The following MAGI2 variants were observed in gnomAD, a reference collection of about 807,000 sequenced individuals.
MAGI2 encodes membrane associated guanylate kinase, WW and PDZ domain containing 2.
In MAGI2, 35 loss-of-function variants were observed where a neutral mutation model predicts 133.3. The ratio of observed to expected loss-of-function variants is 0.26; its 90% CI spans 0.20 to 0.35. The LOEUF is 0.35. MAGI2 is among the 10% of genes least tolerant of loss of function. MAGI2 has a pLI of 1.00. For synonymous variants in MAGI2, 729 were observed against 710.6 expected, an observed-to-expected ratio of 1.03 and a Z score of -0.41; for missense variants, 1,636 against 1,863.4, an observed-to-expected ratio of 0.88 and a Z score of 2.25.
chr7:78,146,483 T>C (rs1037110460), intron 16 of MAGI2, among the ~76,000 whole-genome samples: 1 of 152,284 alleles, frequency 6.6e-6, no homozygotes. Context: ...ATTAAAGTTT[T>C]ATGTACCCAA....
chr7:78,027,200 A>G (rs1809013351), intron 21 of MAGI2, among the ~76,000 whole-genome samples: 1 of 152,250 alleles, frequency 6.6e-6, no homozygotes, highest in Admixed American at 6.5e-5. Context: ...GCAGTATAAC[A>G]GAAACTTCCA....
intron 21 of MAGI2, among the ~76,000 whole-genome samples, chr7:78,064,492 G>A (rs748712474): frequency 3.9e-5 from 6 of 152,140 alleles, no homozygotes; most frequent in Non-Finnish European, 5.9e-5. Flanking sequence ...GTAATTAGCA[G>A]GGTCATTAAC....
At chr7:79,350,724 A>C (rs886827225) in intron 1 of MAGI2, among the ~76,000 whole-genome samples, 7 of 152,278 alleles carry the variant, frequency 4.6e-5, no homozygotes, top group Admixed American at 3.3e-4. Flanking sequence ...ATATGGATTA[A>C]ACAGTCATTC....
At chr7:79,159,567 G>A (rs1166297279) in intron 1 of MAGI2, among the ~76,000 whole-genome samples, 1 of 148,566 alleles carries the variant, frequency 6.7e-6, no homozygotes, top group African/African-American at 2.5e-5. Flanking sequence ...CCTTTATACA[G>A]ATGGGTCTTT....
intron 9 of MAGI2, among the ~76,000 whole-genome samples, chr7:78,340,999 A>G (rs556604276): frequency 6.6e-6 from 1 of 152,342 alleles, no homozygotes; most frequent in African/African-American, 2.4e-5. Flanking sequence ...TTCAAATAGA[A>G]AAAGAGGAAG....
At chr7:78,345,713 A>G (rs956355940) in intron 8 of MAGI2, 6 of 617,336 alleles carry the variant, frequency 9.7e-6, no homozygotes, top group Non-Finnish European at 1.7e-5. Flanking sequence ...ACATTCCTAT[A>G]AAGTACTGCC....
At chr7:78,704,777 T>TATTTTTTTTTTTC (rs1563380661) in intron 2 of MAGI2, among the ~76,000 whole-genome samples, 1 of 117,972 alleles carries the variant, frequency 8.5e-6, no homozygotes. Context: ...AGGCCATTAT[T>TATTTTTTTTTTTC]CTTTTTTTTT....
intron 2 of MAGI2, among the ~76,000 whole-genome samples, chr7:78,924,490 A>T (rs1341613949): frequency 1.3e-5 from 2 of 152,078 alleles, no homozygotes; most frequent in African/African-American, 4.8e-5. Flanking sequence ...TATATGCTGG[A>T]TTACATTTAT....
intron 1 of MAGI2, among the ~76,000 whole-genome samples, chr7:79,090,995 T>TA (rs1009619327): frequency 9.5e-3 from 48 of 5,064 alleles, no homozygotes; most frequent in African/African-American, 0.04. Context: ...TTTAAGAGCC[T>TA]TTTTTTTTCC....
intron 1 of MAGI2, among the ~76,000 whole-genome samples, chr7:79,008,028 T>C (rs545787813): frequency 6.6e-6 from 1 of 152,178 alleles, no homozygotes; most frequent in Non-Finnish European, 1.5e-5. Flanking sequence ...TATTTAAAGA[T>C]GACTTGTTAA....
chr7:79,346,326 A>C (rs1841310610), intron 1 of MAGI2, among the ~76,000 whole-genome samples: 1 of 152,040 alleles, frequency 6.6e-6, no homozygotes, highest in Non-Finnish European at 1.5e-5. Context: ...CACCACTCAT[A>C]AACATCAATC....
At chr7:78,362,821 A>G (rs559933923) in intron 7 of MAGI2, among the ~76,000 whole-genome samples, 10 of 152,258 alleles carry the variant, frequency 6.6e-5, no homozygotes, top group African/African-American at 2.2e-4. Flanking sequence ...AATTGAACAA[A>G]CTTATTAACA....
At chr7:78,799,268 G>C (rs1284022422) in intron 2 of MAGI2, among the ~76,000 whole-genome samples, 2 of 152,080 alleles carry the variant, frequency 1.3e-5, no homozygotes, top group African/African-American at 4.8e-5. Context: ...CTGTACACTG[G>C]CAGAAGTAAG....
chr7:78,747,857 C>T (rs1483384922), intron 2 of MAGI2, among the ~76,000 whole-genome samples: 1 of 152,122 alleles, frequency 6.6e-6, no homozygotes, highest in Non-Finnish European at 1.5e-5. Flanking sequence ...GAGGGGGCTC[C>T]TGGTGTGAGC....
chr7:79,193,475 C>A, intron 1 of MAGI2, among the ~76,000 whole-genome samples: 1 of 151,804 alleles, frequency 6.6e-6, no homozygotes. Context: ...TATGCAGGTA[C>A]AAACTACATA....
intron 3 of MAGI2, among the ~76,000 whole-genome samples, chr7:78,579,079 A>C (rs1209754080): frequency 6.6e-6 from 1 of 152,192 alleles, no homozygotes; most frequent in African/African-American, 2.4e-5. Context: ...GTACAGCCAC[A>C]ATCACATCCC....
rs528267246 is a variant in MAGI2, at chr7:78,398,061, T to C, written c.1046-28848A>G. On this transcript the variant is annotated intron_variant, in intron 6 of 21. Transcript: ENST00000354212. ...ATAAATCCTTCAGGAAGCTGAATTATGTGTGTGAGTGTGTGTGCTGTGTGA... is the reference window on the plus strand; with the variant it reads ...ATAAATCCTTCAGGAAGCTGAATTACGTGTGTGAGTGTGTGTGCTGTGTGA... Among the ~76,000 whole-genome samples the C allele has an allele frequency of 2.6e-4, 40 of 152,218 alleles. No homozygotes were observed. In the South Asian group the frequency reaches 7.3e-3, roughly 28 times the overall value.
At chr7:79,426,025 G>A (rs1309377036) in intron 1 of MAGI2, among the ~76,000 whole-genome samples, 3 of 152,218 alleles carry the variant, frequency 2.0e-5, no homozygotes, top group South Asian at 4.2e-4. Flanking sequence ...GAATCTAATC[G>A]GATGGTCTTC....
chr7:79,153,730 A>T (rs1036112069), intron 1 of MAGI2, among the ~76,000 whole-genome samples: 3 of 152,166 alleles, frequency 2.0e-5, no homozygotes, highest in African/African-American at 7.2e-5. Flanking sequence ...ACAGGACCAG[A>T]TTTGCATTTG....
Sources: gnomAD v4.1 joint callset for allele counts (sites outside exome capture counted in the v4.1 genomes callset) on GRCh38, gnomAD v4.1.1 for gene constraint, MANE v1.5 for transcripts, NCBI Gene and HGNC (gene_info 2026-07-23, HGNC 2026-07-21) for gene names.